Variants in FSTL5 observed in about 807,000 individuals in gnomAD.
FSTL5 encodes follistatin-related protein 5.
In FSTL5, 62 loss-of-function variants were observed where a neutral mutation model predicts 89.1. The ratio of observed to expected loss-of-function variants is 0.70; its 90% CI spans 0.57 to 0.86. The LOEUF is 0.86. Ranked by LOEUF, FSTL5 falls within the 40% of genes least tolerant of loss-of-function variation. The pLI is 0.00. For synonymous variants in FSTL5, 383 were observed against 346.2 expected (o/e 1.11, Z -1.18); for missense variants, 1,057 against 1,001.6 (o/e 1.06, Z -0.75).
intron 15 of FSTL5, among the ~76,000 whole-genome samples, chr4:161,404,101 C>T (rs1382423166): frequency 1.3e-5 from 2 of 152,264 alleles, no homozygotes; most frequent in East Asian, 3.9e-4. Flanking sequence ...CGCATTTTTA[C>T]TAGTCTTGAA....
chr4:161,689,730 C>A (rs1416012690), intron 6 of FSTL5, among the ~76,000 whole-genome samples: 1 of 152,046 alleles, frequency 6.6e-6, no homozygotes, highest in East Asian at 1.9e-4. Flanking sequence ...TGTGAAACCA[C>A]CACCTTACTC....
At chr4:161,808,710 T>C (rs1237197006) in intron 4 of FSTL5, among the ~76,000 whole-genome samples, 1 of 151,970 alleles carries the variant, frequency 6.6e-6, no homozygotes, top group Admixed American at 6.6e-5. Flanking sequence ...GAAAACATAA[T>C]GTACAGAATG....
chr4:161,547,462 T>C (rs1732046152), intron 8 of FSTL5, among the ~76,000 whole-genome samples: 1 of 152,066 alleles, frequency 6.6e-6, no homozygotes, highest in Middle Eastern at 3.4e-3. Context: ...GAAGTCAGCA[T>C]AAACTTAATA....
intron 4 of FSTL5, among the ~76,000 whole-genome samples, chr4:161,860,194 A>C (rs113241314): frequency 2.8e-3 from 422 of 152,196 alleles, no homozygotes; most frequent in Non-Finnish European, 4.5e-3. Flanking sequence ...AGGCTGAGGC[A>C]GGAGAATGGC....
chr4:161,810,675 A>G (rs1730110471), intron 4 of FSTL5, among the ~76,000 whole-genome samples: 1 of 152,202 alleles, frequency 6.6e-6, no homozygotes, highest in African/African-American at 2.4e-5. Context: ...TCTCAGTGAG[A>G]AAGACAACAC....
chr4:161,909,904 G>GAA (rs1264597325), intron 4 of FSTL5, among the ~76,000 whole-genome samples: 1 of 151,818 alleles, frequency 6.6e-6, no homozygotes, highest in East Asian at 1.9e-4. Context: ...CACATATATT[G>GAA]AATACTGAAT....
intron 2 of FSTL5, among the ~76,000 whole-genome samples, chr4:162,070,422 A>G (rs1474758364): frequency 2.0e-5 from 3 of 151,830 alleles, no homozygotes; most frequent in African/African-American, 7.2e-5. Flanking sequence ...TAAAATCTTC[A>G]CACAGACCAA....
intron 4 of FSTL5, among the ~76,000 whole-genome samples, chr4:161,828,065 C>T (rs1055386979): frequency 6.6e-6 from 1 of 152,178 alleles, no homozygotes; most frequent in Non-Finnish European, 1.5e-5. Context: ...TAGCCCTCCC[C>T]AAGGACCTCT....
intron 4 of FSTL5, among the ~76,000 whole-genome samples, chr4:161,889,145 T>C (rs1007009317): frequency 6.6e-6 from 1 of 152,180 alleles, no homozygotes; most frequent in Non-Finnish European, 1.5e-5. Flanking sequence ...CTAAATATCC[T>C]AGAGTCAACC....
At chr4:161,479,419 A>G (rs1205708659) in intron 13 of FSTL5, among the ~76,000 whole-genome samples, 1 of 147,462 alleles carries the variant, frequency 6.8e-6, no homozygotes, top group Non-Finnish European at 1.5e-5. Context: ...ATTTATATTC[A>G]GAGAGTATAG....
At chr4:161,839,570 A>T (rs1731148606) in intron 4 of FSTL5, among the ~76,000 whole-genome samples, 1 of 152,226 alleles carries the variant, frequency 6.6e-6, no homozygotes, top group African/African-American at 2.4e-5. Context: ...TGAATCTCAC[A>T]AACTATATAT....
chr4:161,485,556 C>G (rs1729648978), intron 12 of FSTL5, among the ~76,000 whole-genome samples: 1 of 151,766 alleles, frequency 6.6e-6, no homozygotes, highest in Non-Finnish European at 1.5e-5. Context: ...TAAAGTTGAT[C>G]CAAAACTTAA....
intron 4 of FSTL5, among the ~76,000 whole-genome samples, chr4:161,849,951 A>C (rs1258546093): frequency 6.6e-6 from 1 of 152,192 alleles, no homozygotes; most frequent in Non-Finnish European, 1.5e-5. Context: ...AAAATCAAGG[A>C]AATCCATTTA....
intron 5 of FSTL5, among the ~76,000 whole-genome samples, chr4:161,763,296 T>A (rs918408475): frequency 3.3e-5 from 5 of 151,996 alleles, no homozygotes; most frequent in Non-Finnish European, 5.9e-5. Flanking sequence ...ATATATATAT[T>A]TTGCCATAGA....
intron 4 of FSTL5, among the ~76,000 whole-genome samples, chr4:161,859,281 A>G (rs1731825055): frequency 6.6e-6 from 1 of 152,176 alleles, no homozygotes; most frequent in African/African-American, 2.4e-5. Flanking sequence ...GTTTAAACCA[A>G]TGCTAATTTA....
At chr4:161,670,502 C>T (rs998067557) in intron 6 of FSTL5, among the ~76,000 whole-genome samples, 5 of 152,164 alleles carry the variant, frequency 3.3e-5, no homozygotes, top group Non-Finnish European at 7.3e-5. Context: ...AATTAATGAA[C>T]TAATCCCTCC....
intron 4 of FSTL5, among the ~76,000 whole-genome samples, chr4:161,834,680 C>A (rs1046143741): frequency 2.0e-5 from 3 of 152,122 alleles, no homozygotes; most frequent in Non-Finnish European, 4.4e-5. Flanking sequence ...AGAGCCAAAT[C>A]ATGAGTGAAC....
rs146507528 is a variant in FSTL5 at position 161,602,694 on chromosome 4, T to C, written c.895-15119A>G. On this transcript the variant is annotated intron_variant, in intron 7 of 15. Transcript: ENST00000306100. ...TGTAAAAATTACAACAGGCTTCTTATCAGAAGTTTTGAAAGTCATAAGACA... is the reference window on the plus strand; with the variant it reads ...TGTAAAAATTACAACAGGCTTCTTACCAGAAGTTTTGAAAGTCATAAGACA... Among the ~76,000 whole-genome samples the C allele has an allele frequency of 2.6e-5, 4 of 152,258 alleles. No homozygotes were observed. In the East Asian group the frequency reaches 7.7e-4, roughly 29 times the overall value.
intron 12 of FSTL5, among the ~76,000 whole-genome samples, chr4:161,491,059 A>G (rs908341444): frequency 1.3e-5 from 2 of 151,918 alleles, no homozygotes; most frequent in Non-Finnish European, 2.9e-5. Flanking sequence ...TTATAACTAT[A>G]TATTTATTAT....
Sources: gnomAD v4.1 joint callset for allele counts (sites outside exome capture counted in the v4.1 genomes callset) on GRCh38, gnomAD v4.1.1 for gene constraint, MANE v1.5 for transcripts, NCBI Gene and HGNC (gene_info 2026-07-23, HGNC 2026-07-21) for gene names.